NKAIN2: variants seen among roughly 807,000 people sequenced by gnomAD.
NKAIN2 encodes sodium/potassium transporting ATPase interacting 2, also known as sodium/potassium-transporting ATPase subunit beta-1-interacting protein 2.
NKAIN2 carries 14 observed loss-of-function variants against 32.6 expected under a neutral mutation model. The observed-to-expected ratio is 0.43, with a 90% CI of 0.28 to 0.67. The LOEUF (loss-of-function observed/expected upper bound fraction) is 0.67, where lower values mean the gene tolerates loss of function less well. Ranked by LOEUF, NKAIN2 falls within the 30% of genes least tolerant of loss-of-function variation. NKAIN2 has a pLI of 0.17. For missense variants in NKAIN2, 198 were observed against 258.3 expected, an observed-to-expected ratio of 0.77 and a Z score of 1.60; for synonymous variants, 80 against 87.2, an observed-to-expected ratio of 0.92 and a Z score of 0.46.
intron 2 of NKAIN2, among the ~76,000 whole-genome samples, chr6:124,315,346 G>T (rs770664580): frequency 6.6e-6 from 1 of 152,196 alleles, no homozygotes. Flanking sequence ...AAGCAAATGA[G>T]CAGGTATTAC....
chr6:123,910,765 A>C (rs1326453374), intron 1 of NKAIN2, among the ~76,000 whole-genome samples: 12 of 151,828 alleles, frequency 7.9e-5, no homozygotes, highest in Admixed American at 2.0e-4. Flanking sequence ...TAGCCTCCCA[A>C]AGTGCTGGGA....
At chr6:124,494,178 A>G (rs770510196) in intron 3 of NKAIN2, among the ~76,000 whole-genome samples, 2 of 152,062 alleles carry the variant, frequency 1.3e-5, no homozygotes, top group African/African-American at 2.4e-5. Flanking sequence ...CTTCCCTACA[A>G]GGCTAATCTT....
chr6:123,888,736 T>C (rs1232003215), intron 1 of NKAIN2, among the ~76,000 whole-genome samples: 2 of 152,152 alleles, frequency 1.3e-5, no homozygotes, highest in Non-Finnish European at 2.9e-5. Context: ...GGCCAAATAA[T>C]CCCTATATAT....
chr6:124,159,438 C>T (rs1420141729), intron 1 of NKAIN2, among the ~76,000 whole-genome samples: 1 of 152,094 alleles, frequency 6.6e-6, no homozygotes, highest in South Asian at 2.1e-4. Context: ...TCAGAAATGA[C>T]TGCCCTCAGA....
At chr6:123,988,063 T>C (rs773734687) in intron 1 of NKAIN2, among the ~76,000 whole-genome samples, 6 of 152,232 alleles carry the variant, frequency 3.9e-5, no homozygotes, top group Non-Finnish European at 5.9e-5. Flanking sequence ...CCTCACGTTT[T>C]ATATGCATTT....
intron 1 of NKAIN2, among the ~76,000 whole-genome samples, chr6:123,927,190 G>A (rs1776042109): frequency 6.6e-6 from 1 of 152,178 alleles, no homozygotes; most frequent in African/African-American, 2.4e-5. Flanking sequence ...TAAATGGGAT[G>A]GAGCTGTCCC....
intron 1 of NKAIN2, among the ~76,000 whole-genome samples, chr6:124,040,752 G>C (rs746197181): frequency 5.3e-5 from 8 of 151,864 alleles, no homozygotes; most frequent in Non-Finnish European, 1.0e-4. Context: ...TTAAAGCTGT[G>C]TTACCACGAA....
At chr6:124,719,436 T>A (rs1775913342) in intron 4 of NKAIN2, among the ~76,000 whole-genome samples, 1 of 152,192 alleles carries the variant, frequency 6.6e-6, no homozygotes, top group Non-Finnish European at 1.5e-5. Flanking sequence ...ATCAATGACT[T>A]CTTCCTGAAT....
At chr6:124,767,084 C>T (rs1300011245) in intron 4 of NKAIN2, among the ~76,000 whole-genome samples, 10 of 151,878 alleles carry the variant, frequency 6.6e-5, no homozygotes, top group African/African-American at 1.5e-4. Context: ...TTAGTTGAGA[C>T]GGGGTTTCAC....
At chr6:124,759,113 C>T (rs915234738) in intron 4 of NKAIN2, among the ~76,000 whole-genome samples, 3 of 152,052 alleles carry the variant, frequency 2.0e-5, no homozygotes, top group African/African-American at 4.8e-5. Context: ...AGCATTAGCC[C>T]GAGAGAGTAA....
chr6:124,805,324 C>T (rs1430113109), intron 5 of NKAIN2, among the ~76,000 whole-genome samples: 4 of 152,138 alleles, frequency 2.6e-5, no homozygotes, highest in African/African-American at 4.8e-5. Context: ...CAGCGGCATT[C>T]GCGGTTCACA....
chr6:123,873,876 C>T (rs190389601), intron 1 of NKAIN2, among the ~76,000 whole-genome samples: 9 of 152,290 alleles, frequency 5.9e-5, no homozygotes, highest in African/African-American at 2.2e-4. Flanking sequence ...TAAATGCACG[C>T]TGTTCATTCA....
At chr6:124,582,510 C>T (rs1781560070) in intron 3 of NKAIN2, among the ~76,000 whole-genome samples, 1 of 152,112 alleles carries the variant, frequency 6.6e-6, no homozygotes, top group South Asian at 2.1e-4. Context: ...GATAGCTTCA[C>T]TGCTGAATTT....
chr6:124,123,955 G>C (rs1189670069), intron 1 of NKAIN2, among the ~76,000 whole-genome samples: 1 of 152,052 alleles, frequency 6.6e-6, no homozygotes, highest in South Asian at 2.1e-4. Flanking sequence ...TCATAATGCA[G>C]GATACTGATT....
chr6:124,131,301 C>T (rs1365287539), intron 1 of NKAIN2, among the ~76,000 whole-genome samples: 2 of 152,090 alleles, frequency 1.3e-5, no homozygotes. Context: ...CATGCCGCCA[C>T]GTCTGGCTAT....
At chr6:124,619,483 CA>C (rs1783029714) in intron 3 of NKAIN2, among the ~76,000 whole-genome samples, 1 of 152,098 alleles carries the variant, frequency 6.6e-6, no homozygotes, top group South Asian at 2.1e-4. Flanking sequence ...TTAAAGCATT[CA>C]GTCCTTTGAC....
intron 1 of NKAIN2, among the ~76,000 whole-genome samples, chr6:124,055,019 T>C (rs2064687): frequency 0.22 from 33,108 of 152,030 alleles, 4,395 homozygotes; most frequent in African/African-American, 0.37. Context: ...TCAGCCAGAA[T>C]GAATAATTTA....
At chr6:124,222,759 T>G (rs909426033) in intron 1 of NKAIN2, among the ~76,000 whole-genome samples, 1 of 152,122 alleles carries the variant, frequency 6.6e-6, no homozygotes, top group African/African-American at 2.4e-5. Context: ...GTGAAAAATG[T>G]GTTGCATGGC....
At chr6:124,097,647 A>G (rs116936048) in intron 1 of NKAIN2, among the ~76,000 whole-genome samples, 2 of 152,332 alleles carry the variant, frequency 1.3e-5, no homozygotes, top group South Asian at 2.1e-4. Flanking sequence ...AAGTCGTGCT[A>G]TAATAGATGA....
Sources: gnomAD v4.1 joint callset for allele counts (sites outside exome capture counted in the v4.1 genomes callset) on GRCh38, gnomAD v4.1.1 for gene constraint, MANE v1.5 for transcripts, NCBI Gene and HGNC (gene_info 2026-07-23, HGNC 2026-07-21) for gene names.